The following DOCK8 variants were observed in gnomAD, a reference collection of about 807,000 sequenced individuals.
DOCK8 encodes the protein dedicator of cytokinesis 8.
A neutral mutation model predicts 245.6 loss-of-function variants in DOCK8; 141 were observed. The ratio of observed to expected loss-of-function variants is 0.57; its 90% CI spans 0.50 to 0.66. The LOEUF is 0.66. Ranked by LOEUF, DOCK8 falls within the 30% of genes least tolerant of loss-of-function variation. DOCK8 has a pLI of 0.00. For missense variants in DOCK8, 2,965 were observed against 2,603.4 expected (o/e 1.14, Z -3.02); for synonymous variants, 1,168 against 970.2 (o/e 1.20, Z -3.79).
intron 47 of DOCK8, 110 bp downstream of exon 47, chr9:463,797 G>A: frequency 7.9e-7 from 1 of 1,264,012 alleles, no homozygotes; most frequent in Non-Finnish European, 1.1e-6. Flanking sequence ...AACCTCGAAA[G>A]GGTGGAAGAG....
At chr9:374,457 T>TG (rs2053434380) in intron 18 of DOCK8, among the ~76,000 whole-genome samples, 1 of 131,220 alleles carries the variant, frequency 7.6e-6, no homozygotes, top group African/African-American at 3.1e-5. Flanking sequence ...TTTTGTGTTT[T>TG]TTTTTTTTTT....
chr9:419,053 T>C (rs1485034417), intron 30 of DOCK8, among the ~76,000 whole-genome samples: 1 of 152,182 alleles, frequency 6.6e-6, no homozygotes, highest in Non-Finnish European at 1.5e-5. Flanking sequence ...TATCCTCTGA[T>C]TCAGTTGAGG....
chr9:447,708 G>A (rs12345245), intron 44 of DOCK8, among the ~76,000 whole-genome samples: 1 of 152,114 alleles, frequency 6.6e-6, no homozygotes, highest in Admixed American at 6.6e-5. Flanking sequence ...AGTATAACAG[G>A]CATAATCAAG....
chr9:434,474 A>G (rs890890434), intron 38 of DOCK8, among the ~76,000 whole-genome samples: 8 of 152,194 alleles, frequency 5.3e-5, no homozygotes, highest in African/African-American at 1.9e-4. Context: ...TTTGAGAGAA[A>G]GGAAAGAAAA....
chr9:332,183 G>C (rs1041916879), intron 9 of DOCK8, among the ~76,000 whole-genome samples: 17 of 152,224 alleles, frequency 1.1e-4, no homozygotes, highest in Admixed American at 4.6e-4. Flanking sequence ...TGCATTTGCT[G>C]AGTATCTACT....
intron 18 of DOCK8, among the ~76,000 whole-genome samples, chr9:374,453 GTT>G (rs762085208): frequency 2.5e-3 from 192 of 75,328 alleles, no homozygotes; most frequent in African/African-American, 1.0e-2. Context: ...GTCCTTTTGT[GTT>G]TTTTTTTTTT....
At position 271,722 on chromosome 9, in the gene DOCK8, T is replaced by C; in HGVS notation, c.149T>C (p.Leu50Pro). 6.4e-7 allele frequency: 1 copy of C among 1,550,544 alleles called. No individual in the cohort carries two copies. Residue 50 changes from leucine (L) to proline (P), a missense_variant, in exon 2 of 48, where the codon CTT becomes CCT. Leu to Pro is a moderately conservative substitution (Grantham distance 98, BLOSUM62 -3). Around this residue, in one of 3 missense-constraint regions of DOCK8, gnomAD observed 2,825 missense variants for 2,453.5 expected, o/e 1.15. Coordinates refer to ENST00000432829, the MANE Select transcript of DOCK8 (RefSeq NM_203447.4). ...QSISTSGFPS[L>P]QLPQFYDPVE... is the part of the protein sequence containing the mutation. ...ATAAGTACCTCTGGCTTCCCCTCTC[T>C]TCAACTAGTAAGTATGAGTTCCAGG...
At chr9:280,596 G>A (rs921834142) in intron 2 of DOCK8, among the ~76,000 whole-genome samples, 2 of 152,194 alleles carry the variant, frequency 1.3e-5, no homozygotes, top group African/African-American at 4.8e-5. Context: ...TACCTTCTTA[G>A]AAAAGGCTTC....
chr9:250,917 T>G (rs1278703172), intron 1 of DOCK8, among the ~76,000 whole-genome samples: 1 of 152,100 alleles, frequency 6.6e-6, no homozygotes, highest in African/African-American at 2.4e-5. Context: ...TGAGAGGGAC[T>G]GAAGGAAGTA....
chr9:227,675 A>C (rs977915199), intron 1 of DOCK8, among the ~76,000 whole-genome samples: 1 of 152,180 alleles, frequency 6.6e-6, no homozygotes, highest in African/African-American at 2.4e-5. Context: ...GGCGGCTTGA[A>C]ATACAGGCTT....
chr9:260,439 G>C (rs896886559), intron 1 of DOCK8, among the ~76,000 whole-genome samples: 23 of 152,314 alleles, frequency 1.5e-4, no homozygotes, highest in Admixed American at 1.3e-3. Flanking sequence ...GGGCAGAATA[G>C]CCAGTAAATT....
At chr9:342,870 C>G (rs1280050797) in intron 14 of DOCK8, among the ~76,000 whole-genome samples, 1 of 152,164 alleles carries the variant, frequency 6.6e-6, no homozygotes, top group Non-Finnish European at 1.5e-5. Flanking sequence ...GTTTTCAGCT[C>G]TTACAAACAC....
At chr9:215,086 A>AGCGGGGCTTC (rs1563812149) in intron 1 of DOCK8, 57 bp downstream of exon 1, 1 of 1,526,204 alleles carries the variant, frequency 6.6e-7, no homozygotes. Flanking sequence ...GCTGGTGTGA[A>AGCGGGGCTTC]GCGGAGCTTC....
chr9:307,718 A>G (rs1236406294), intron 5 of DOCK8, among the ~76,000 whole-genome samples: 1 of 152,130 alleles, frequency 6.6e-6, no homozygotes, highest in East Asian at 1.9e-4. Flanking sequence ...TACTAGATAT[A>G]TGTCCAGAGG....
intron 26 of DOCK8, 61 bp from the exon 27 acceptor site, chr9:404,857 A>C: frequency 6.3e-7 from 1 of 1,593,606 alleles, no homozygotes; most frequent in Non-Finnish European, 8.6e-7. Context: ...TGTGTCTGCC[A>C]ACCTCAACTC....
At chr9:248,030 T>G (rs7861294) in intron 1 of DOCK8, among the ~76,000 whole-genome samples, 23,542 of 151,770 alleles carry the variant, frequency 0.16, 2,159 homozygotes, top group East Asian at 0.41. Context: ...TGAGCAAACT[T>G]TGTGTTGAAA....
chr9:270,881 A>T (rs1399536148), intron 1 of DOCK8, among the ~76,000 whole-genome samples: 1 of 152,212 alleles, frequency 6.6e-6, no homozygotes, highest in Non-Finnish European at 1.5e-5. Context: ...TAATGAGAAA[A>T]CGTGCTCTGA....
At chr9:343,605 A>G (rs2051719065) in intron 14 of DOCK8, among the ~76,000 whole-genome samples, 1 of 152,206 alleles carries the variant, frequency 6.6e-6, no homozygotes, top group Admixed American at 6.6e-5. Flanking sequence ...TTCCCCATTT[A>G]ATCCTTCCTG....
At position 382,690 on chromosome 9, in the gene DOCK8, GA is replaced by G. The variant is rs1192859945; in HGVS notation, c.2778+8del. 1.9e-6 allele frequency: 3 copies of G among 1,613,990 alleles called. No individual in the cohort carries two copies. The African/African-American group carries it at 4.0e-5, about 22-fold the overall frequency. ...AAGAACATCATGTCTTCAAAGGTAG[GA>G]AAGATGTCAAACCGTGGAAGGGGAC... is the stretch of plus-strand genomic sequence containing the variant. On this transcript the variant is annotated splice_donor_region_variant and intron_variant, in intron 22 of 47. Coordinates refer to ENST00000432829, the MANE Select transcript of DOCK8 (RefSeq NM_203447.4).
Sources: gnomAD v4.1 joint callset for allele counts (sites outside exome capture counted in the v4.1 genomes callset) on GRCh38, gnomAD v4.1.1 for gene constraint, gnomAD v4.1.1 regional missense constraint, MANE v1.5 for transcripts, NCBI Gene and HGNC (gene_info 2026-07-23, HGNC 2026-07-21) for gene names.